PFKP: variants seen among roughly 807,000 people sequenced by gnomAD.
PFKP encodes phosphofructokinase, platelet.
Under a neutral mutation model 94.3 loss-of-function variants are expected in PFKP, and 101 were observed. That is an observed-to-expected ratio of 1.07 (90% confidence interval 0.91 to 1.26). PFKP has a LOEUF of 1.26. PFKP is among the 50% of genes most tolerant of loss of function. The probability of loss-of-function intolerance (pLI) is 0.00; values close to 1 mark genes in which losing one functional copy is unlikely to be tolerated. For synonymous variants in PFKP, 573 were observed against 432.6 expected (o/e 1.32, Z -4.03); for missense variants, 1,145 against 1,103.3 (o/e 1.04, Z -0.53).
rs370102332 is a variant in PFKP, at chr10:3,119,879, G to A, written c.1531-13G>A. On this transcript the variant is annotated splice_polypyrimidine_tract_variant and intron_variant, in intron 15 of 21. Transcript: ENST00000381125. Reference sequence around the variant, plus strand: ...TTCCCTCTCGCCCCACAACTCCCACGCTTGTCTGACAGGCCTACCTGGGAC... The same window carrying A: ...TTCCCTCTCGCCCCACAACTCCCACACTTGTCTGACAGGCCTACCTGGGAC... 116 of 1,613,520 alleles carry A rather than the reference G, an allele frequency of 7.2e-5. No individual in the cohort carries two copies. The highest frequency in any genetic ancestry group is 1.3e-4 in the African/African-American group (10 of 74,864).
Position 3,107,366 on chromosome 10 carries a change from T to G in PFKP, c.870+57T>G, listed in dbSNP as rs41288717. 4.3e-3 allele frequency: 4,409 copies of G among 1,034,784 alleles called. 21 individuals carry two copies. Among genetic ancestry groups the G allele is most frequent in the Non-Finnish European group, 6.0e-3 (3,974 of 657,270 alleles). 64.1% of individuals were successfully genotyped at this position (1,034,784 alleles called of 1,614,324 possible). On this transcript the variant is annotated intron_variant, in intron 8 of 21. Transcript: ENST00000381125. Reference sequence around the variant, plus strand: ...GTTTCTGCCTGGAAGCAGGGGAGGCTAGCGTCATGGGCAGGCTTGGTTTAG... The same window carrying G: ...GTTTCTGCCTGGAAGCAGGGGAGGCGAGCGTCATGGGCAGGCTTGGTTTAG...
In PFKP at chr10:3,118,844, C is replaced by G. The variant is rs749499132; in HGVS notation, c.1505C>G (p.Ala502Gly). 6.2e-7 allele frequency: 1 copy of G among 1,613,276 alleles called. No homozygotes were observed. Among genetic ancestry groups the G allele is most frequent in the South Asian group, 1.1e-5 (1 of 90,924 alleles). The change falls in exon 15 of 22, where the codon GCG becomes GGG. Residue 502 changes from alanine to glycine, a missense_variant. Coordinates refer to ENST00000381125, the MANE Select transcript of PFKP (RefSeq NM_002627.5). Reference sequence around the variant, plus strand: ...CAGATGCGCACGCACAGCATCAACGCGCTGCTGATCATCGGTGGATTCGAG... The same window carrying G: ...CAGATGCGCACGCACAGCATCAACGGGCTGCTGATCATCGGTGGATTCGAG... ...ATQMRTHSINALLIIGGFEAY... is the reference protein window; with the variant it reads ...ATQMRTHSINGLLIIGGFEAY...
At chr10:3,132,536 T>C in intron 18 of PFKP, 95 bp downstream of exon 18, 1 of 864,474 alleles carries the variant, frequency 1.2e-6, no homozygotes, top group Non-Finnish European at 2.0e-6. Flanking sequence ...AGTGGTCATT[T>C]CTTTGCCGCT....
At position 3,126,150 on chromosome 10, in the gene PFKP, C is replaced by T. The variant is rs80275832; in HGVS notation, c.1684-3669C>T. On this transcript the variant is annotated intron_variant, in intron 16 of 21. Coordinates refer to ENST00000381125, the MANE Select transcript of PFKP (RefSeq NM_002627.5). ...CTTAGCACAGAACCTCGGAAGACAG[C>T]AGTTCTATTCCGGGTACTTCCTTCA... 9.8e-4 allele frequency among the ~76,000 whole-genome samples: 150 copies of T among 152,348 alleles called. 3 individuals carry two copies. In the East Asian group the frequency reaches 0.025, roughly 26 times the overall value.
chr10:3,101,124 T>A, intron 3 of PFKP: 1 of 853,030 alleles, frequency 1.2e-6, no homozygotes, highest in Non-Finnish European at 1.9e-6. Context: ...CTGCCGTGTG[T>A]CTGGCTCTGC....
At chr10:3,098,672 C>CAAAAAAAAAAAAAAAAAAAAAAAAAAAA (rs5782682) in intron 2 of PFKP, among the ~76,000 whole-genome samples, 9 of 107,170 alleles carry the variant, frequency 8.4e-5, no homozygotes, top group African/African-American at 2.9e-4. Flanking sequence ...GACTCCGTCT[C>CAAAAAAAAAAAAAAAAAAAAAAAAAAAA]AAAAAAAAAA....
At chr10:3,107,730 C>A in intron 8 of PFKP, 1 of 933,448 alleles carries the variant, frequency 1.1e-6, no homozygotes, top group Non-Finnish European at 1.2e-6. Context: ...TAACCCAGAG[C>A]ATCAGCTGAG....
intron 14 of PFKP, among the ~76,000 whole-genome samples, chr10:3,118,264 G>A (rs958491007): frequency 6.6e-6 from 1 of 152,098 alleles, no homozygotes; most frequent in Non-Finnish European, 1.5e-5. Context: ...GTCAAGAGAT[G>A]GAGACCATCC....
rs570325336 is a variant in PFKP at position 3,102,017 on chromosome 10, C to T, written c.454+463C>T. 1.2e-4 allele frequency among the ~76,000 whole-genome samples: 18 copies of T among 150,576 alleles called. No homozygotes were observed. The South Asian group carries it at 1.9e-3, about 16-fold the overall frequency. ...CTGTAATCCCAGCACTTTGGGAGGC[C>T]GAGGCGGGCGGATCACGAGGTCAGG... On this transcript the variant is annotated intron_variant, in intron 4 of 21. Coordinates refer to ENST00000381125, the MANE Select transcript of PFKP (RefSeq NM_002627.5).
Position 3,113,373 on chromosome 10 carries a change from C to T in PFKP, c.1226C>T (p.Thr409Ile), listed in dbSNP as rs375319937. ...IKLPDDQIPKTNCNVAVINVG... is the reference protein window; with the variant it reads ...IKLPDDQIPKINCNVAVINVG... ...ACTCACCTGCCTTCTGTTTTGCAGACCAATTGCAACGTAGCTGTCATCAAC... is the reference window on the plus strand; with the variant it reads ...ACTCACCTGCCTTCTGTTTTGCAGATCAATTGCAACGTAGCTGTCATCAAC... The change falls in exon 13 of 22, where the codon ACC becomes ATC. Residue 409 changes from threonine (T) to isoleucine (I), a missense_variant and splice_region_variant. By Grantham distance (89) the Thr-to-Ile change is moderately conservative (BLOSUM62 -1). This residue lies in a region of PFKP where 1,119 missense variants were observed against 1,062.8 expected (regional missense o/e 1.05). Coordinates refer to ENST00000381125, the MANE Select transcript of PFKP (RefSeq NM_002627.5). The T allele has an allele frequency of 1.9e-6, 3 of 1,582,352 alleles. No individual in the cohort carries two copies. Among genetic ancestry groups the T allele is most frequent in the Non-Finnish European group, 2.6e-6 (3 of 1,160,730 alleles).
chr10:3,107,373 A>C, intron 8 of PFKP, 64 bp downstream of exon 8: 1 of 957,442 alleles, frequency 1.0e-6, no homozygotes, highest in Non-Finnish European at 1.7e-6. Flanking sequence ...GGCTAGCGTC[A>C]TGGGCAGGCT....
chr10:3,129,515 GGTC>G (rs75383088), intron 16 of PFKP: 10,842 of 381,350 alleles, frequency 0.028, 562 homozygotes, highest in East Asian at 0.15. Context: ...TGGCTTGTGG[GGTC>G]GTCTTTTCCG....
intron 3 of PFKP, chr10:3,101,137 C>A (rs1216728238): frequency 1.3e-6 from 1 of 789,672 alleles, no homozygotes; most frequent in Non-Finnish European, 2.1e-6. Flanking sequence ...GGCTCTGCAC[C>A]CTCCCTGGCT....
At chr10:3,129,773 C>A (rs371941392) in intron 16 of PFKP, 46 bp from the exon 17 acceptor site, 8 of 1,601,032 alleles carry the variant, frequency 5.0e-6, no homozygotes, top group Non-Finnish European at 6.8e-6. Flanking sequence ...ATGGTGGGCG[C>A]GCCCCGGGCC....
In PFKP at chr10:3,129,940, C is replaced by T; in HGVS notation, c.1805C>T (p.Ala602Val). Residue 602 changes from alanine to valine, a missense_variant, in exon 17 of 22, where the codon GCC (alanine) becomes GTC (valine). Ala to Val is a moderately conservative substitution (Grantham distance 64, BLOSUM62 0). Transcript: ENST00000381125. ...GGGGGGCTCGCGGCCGGAGCTGATG[C>T]CGCATACATTTTCGAAGAGCCCTTC... Reference protein sequence around the residue: ...NMGGLAAGADAAYIFEEPFDI... With the variant: ...NMGGLAAGADVAYIFEEPFDI... 6.2e-7 allele frequency: 1 copy of T among 1,605,068 alleles called. No homozygotes were observed. The highest frequency in any genetic ancestry group is 1.1e-5 in the South Asian group (1 of 89,942).
intron 13 of PFKP, among the ~76,000 whole-genome samples, chr10:3,114,547 A>G (rs1361182563): frequency 6.6e-6 from 1 of 152,232 alleles, no homozygotes; most frequent in African/African-American, 2.4e-5. Flanking sequence ...AGATGGGGAG[A>G]GAGGACAGTG....
At chr10:3,101,138 C>A in intron 3 of PFKP, 1 of 777,280 alleles carries the variant, frequency 1.3e-6, no homozygotes. Context: ...GCTCTGCACC[C>A]TCCCTGGCTC....
At chr10:3,094,773 T>C (rs1194804149) in intron 2 of PFKP, among the ~76,000 whole-genome samples, 1 of 152,216 alleles carries the variant, frequency 6.6e-6, no homozygotes, top group Non-Finnish European at 1.5e-5. Context: ...TCTGCATGCA[T>C]GCTCTGAATT....
chr10:3,116,739 T>C, intron 13 of PFKP, 37 bp from the exon 14 acceptor site: 2 of 1,528,136 alleles, frequency 1.3e-6, no homozygotes, highest in African/African-American at 1.4e-5. Context: ...CCTTTCATTG[T>C]TCACTTTAGC....
Sources: allele counts gnomAD v4.1 joint callset (sites outside exome capture counted in the v4.1 genomes callset), GRCh38; gene constraint gnomAD v4.1.1; regional missense constraint gnomAD v4.1.1; transcripts MANE v1.5; gene names NCBI Gene and HGNC (gene_info 2026-07-23, HGNC 2026-07-21).